The following MYO3A variants were observed in gnomAD, a reference collection of about 807,000 sequenced individuals.
MYO3A encodes the protein myosin-IIIa.
In MYO3A, 180 loss-of-function variants were observed where a neutral mutation model predicts 192.7. That is an observed-to-expected ratio of 0.93 (90% CI 0.83 to 1.06). The LOEUF (loss-of-function observed/expected upper bound fraction) is 1.06, where lower values mean the gene tolerates loss of function less well. Ranked by LOEUF, MYO3A falls within the 50% of genes least tolerant of loss-of-function variation. The probability of loss-of-function intolerance (pLI) is 0.00; values close to 1 mark genes in which losing one functional copy is unlikely to be tolerated. For synonymous variants in MYO3A, 628 were observed against 645.3 expected, an observed-to-expected ratio of 0.97 and a Z score of 0.41; for missense variants, 1,896 against 1,905.0, an observed-to-expected ratio of 1.00 and a Z score of 0.09.
Position 26,096,559 on chromosome 10 carries a change from T to A in MYO3A, c.1662-9T>A, listed in dbSNP as rs200678745. 6.2e-5 allele frequency: 98 copies of A among 1,592,546 alleles called. No homozygotes were observed. In the East Asian group the frequency reaches 6.5e-4, roughly 11 times the overall value. ...TAGACTTTTATCCTTCCTTTTATAT[T>A]TTTTTTAGGTACCTACAAAATGACC... On this transcript the variant is annotated splice_polypyrimidine_tract_variant and intron_variant, in intron 16 of 34. Transcript: ENST00000642920.
intron 4 of MYO3A, among the ~76,000 whole-genome samples, chr10:25,989,554 T>A (rs150787189): frequency 1.3e-5 from 2 of 152,330 alleles, no homozygotes; most frequent in Non-Finnish European, 2.9e-5. Context: ...CTCAGTTTTT[T>A]CATGTTTAAC....
intron 23 of MYO3A, among the ~76,000 whole-genome samples, chr10:26,151,507 G>A (rs1013253524): frequency 6.3e-4 from 96 of 152,106 alleles, no homozygotes; most frequent in African/African-American, 2.2e-3. Flanking sequence ...ATTAGTGAGT[G>A]AATGGCATAT....
intron 6 of MYO3A, among the ~76,000 whole-genome samples, chr10:26,009,472 C>G (rs1841477488): frequency 6.6e-6 from 1 of 152,166 alleles, no homozygotes; most frequent in Non-Finnish European, 1.5e-5. Context: ...GGAACTGGGA[C>G]AGGTAAGTGA....
Position 26,075,642 on chromosome 10 carries a change from GAT to G in MYO3A, c.1359+5248_1359+5249del, listed in dbSNP as rs1381340730. The stretch of plus-strand genomic sequence containing the variant: ...TATGATATATATGTCTCTCATATAT[GAT>G]ATATATGTCTCTCATATATATATGA... On this transcript the variant is annotated intron_variant, in intron 14 of 34. Transcript: ENST00000642920. Among the ~76,000 whole-genome samples, 23 of 136,404 alleles carry G rather than the reference GAT, an allele frequency of 1.7e-4. 1 individual carries two copies. Among genetic ancestry groups the G allele is most frequent in the South Asian group, 4.7e-4 (2 of 4,246 alleles). 89.5% of individuals were successfully genotyped at this position (136,404 alleles called of 152,430 possible). A position where few individuals can be genotyped will look rare whatever the true frequency, so the allele number is the denominator to read the frequency against.
At chr10:26,139,001 A>G (rs913503652) in intron 20 of MYO3A, among the ~76,000 whole-genome samples, 1 of 152,234 alleles carries the variant, frequency 6.6e-6, no homozygotes, top group Non-Finnish European at 1.5e-5. Flanking sequence ...ATCGTCAGCA[A>G]CATCACAACA....
chr10:26,127,165 T>C (rs11014964), intron 19 of MYO3A, among the ~76,000 whole-genome samples: 3 of 152,108 alleles, frequency 2.0e-5, no homozygotes, highest in Non-Finnish European at 2.9e-5. Flanking sequence ...CACTTAAAAA[T>C]AAAAAATAGA....
intron 4 of MYO3A, among the ~76,000 whole-genome samples, chr10:25,974,856 A>G (rs572064513): frequency 3.9e-4 from 60 of 152,352 alleles, no homozygotes; most frequent in African/African-American, 1.2e-3. Context: ...TTTAAGAAAG[A>G]AATAATCAGT....
In MYO3A at chr10:25,947,471, G is replaced by A. The variant is rs958904077; in HGVS notation, c.-17-4623G>A. ...TGCAATGGCATGACCTTGGCTCACTGCAACCTCCGCCTCCCGGGTTCAAGC... is the reference window on the plus strand; with the variant it reads ...TGCAATGGCATGACCTTGGCTCACTACAACCTCCGCCTCCCGGGTTCAAGC... On this transcript the variant is annotated intron_variant, in intron 2 of 34. Transcript: ENST00000642920. Among the ~76,000 whole-genome samples the A allele has an allele frequency of 3.6e-5, 5 of 138,318 alleles. No homozygotes were observed. In the East Asian group the frequency reaches 1.1e-3, roughly 30 times the overall value. The allele number at this position is 138,318 out of a possible 152,430, so 90.7% of individuals were successfully genotyped here.
intron 10 of MYO3A, among the ~76,000 whole-genome samples, chr10:26,038,338 T>C (rs945662589): frequency 2.0e-5 from 3 of 152,242 alleles, no homozygotes; most frequent in African/African-American, 7.2e-5. Context: ...TCCATAAACA[T>C]GGAATATCTT....
chr10:26,006,816 G>A (rs1373558171), intron 6 of MYO3A, among the ~76,000 whole-genome samples: 888 of 131,848 alleles, frequency 6.7e-3, no homozygotes, highest in Admixed American at 0.015. Flanking sequence ...GGAGGAACTG[G>A]TACCATTCCT....
At chr10:26,084,607 G>A (rs773595481) in intron 14 of MYO3A, among the ~76,000 whole-genome samples, 39 of 152,118 alleles carry the variant, frequency 2.6e-4, no homozygotes, top group Non-Finnish European at 4.3e-4. Context: ...GGGCTCAAGC[G>A]ACCCTTCTGC....
intron 31 of MYO3A, among the ~76,000 whole-genome samples, chr10:26,192,898 G>A (rs557881035): frequency 1.3e-5 from 2 of 151,800 alleles, no homozygotes; most frequent in South Asian, 4.2e-4. Flanking sequence ...CAAGTGATCT[G>A]CCTGCCTCAG....
Position 26,107,083 on chromosome 10 carries a change from C to T in MYO3A, c.1776+10401C>T, listed in dbSNP as rs116819594. ...ATACATGAGTCTTAACCAGACCTAC[C>T]GTATAGAAATTTCTGGGAGAGATCT... On this transcript the variant is annotated intron_variant, in intron 17 of 34. Coordinates refer to ENST00000642920, the MANE Select transcript of MYO3A (RefSeq NM_017433.5). Among the ~76,000 whole-genome samples, 473 of 151,852 alleles carry T rather than the reference C, an allele frequency of 3.1e-3. 3 individuals carry two copies. The highest frequency in any genetic ancestry group is 0.011 in the African/African-American group (450 of 41,384).
chr10:26,117,526 T>C (rs1016615578), intron 17 of MYO3A, among the ~76,000 whole-genome samples: 3 of 152,132 alleles, frequency 2.0e-5, no homozygotes, highest in East Asian at 3.9e-4. Context: ...CCAGTGTGTG[T>C]TGTTCTCCTC....
intron 4 of MYO3A, among the ~76,000 whole-genome samples, chr10:25,996,170 C>T (rs1252282530): frequency 5.3e-5 from 8 of 152,302 alleles, no homozygotes; most frequent in Admixed American, 1.3e-4. Context: ...GCTTCCTGGC[C>T]GCTTTGTTCA....
intron 26 of MYO3A, among the ~76,000 whole-genome samples, chr10:26,158,254 ATT>A (rs71521668): frequency 7.1e-6 from 1 of 141,452 alleles, no homozygotes; most frequent in African/African-American, 2.5e-5. Flanking sequence ...GTTTTATTTT[ATT>A]TTTTTTTTTT....
intron 34 of MYO3A, among the ~76,000 whole-genome samples, chr10:26,206,153 C>A (rs1032620900): frequency 6.6e-6 from 1 of 151,388 alleles, no homozygotes; most frequent in African/African-American, 2.4e-5. Flanking sequence ...CTCTGCCTCC[C>A]AGGTTCAAGC....
At chr10:26,008,001 A>G (rs1011807900) in intron 6 of MYO3A, among the ~76,000 whole-genome samples, 4 of 151,584 alleles carry the variant, frequency 2.6e-5, no homozygotes, top group Non-Finnish European at 5.9e-5. Context: ...GGCTACAGTA[A>G]CGAAAACAGC....
intron 10 of MYO3A, among the ~76,000 whole-genome samples, chr10:26,047,617 C>CA (rs374804260): frequency 0.16 from 24,535 of 151,354 alleles, 2,273 homozygotes; most frequent in Non-Finnish European, 0.21. Flanking sequence ...ACTAAAAATA[C>CA]AAAAAAAATT....
Sources: gnomAD v4.1 joint callset for allele counts (sites outside exome capture counted in the v4.1 genomes callset) on GRCh38, gnomAD v4.1.1 for gene constraint, MANE v1.5 for transcripts, NCBI Gene and HGNC (gene_info 2026-07-23, HGNC 2026-07-21) for gene names.